Variants in BPNT1 observed in about 807,000 individuals in gnomAD.
BPNT1 encodes 3'(2'), 5'-bisphosphate nucleotidase 1, also known as 3'(2'),5'-bisphosphate nucleotidase 1.
A neutral mutation model predicts 36.9 loss-of-function variants in BPNT1; 28 were observed. That is an observed-to-expected ratio of 0.76 (90% CI 0.56 to 1.04). BPNT1 has a LOEUF of 1.04. Among genes scored for constraint, BPNT1 ranks in the 50% least tolerant of loss-of-function variants. The pLI is 0.00. For missense variants in BPNT1, 313 were observed against 372.9 expected (o/e 0.84, Z 1.32); for synonymous variants, 119 against 130.9 (o/e 0.91, Z 0.62).
intron 4 of BPNT1, among the ~76,000 whole-genome samples, chr1:220,069,887 G>T (rs913590219): frequency 2.0e-5 from 3 of 151,660 alleles, no homozygotes; most frequent in African/African-American, 7.3e-5. Flanking sequence ...AGTGAGCAGA[G>T]ATCGTGCCAT....
intron 4 of BPNT1, among the ~76,000 whole-genome samples, chr1:220,072,363 GAA>G (rs985519845): frequency 7.2e-6 from 1 of 138,588 alleles, no homozygotes; most frequent in Admixed American, 7.3e-5. Flanking sequence ...CTCCGTCTCA[GAA>G]AAAAAAAAAA....
At chr1:220,073,076 T>C (rs1664216106) in intron 3 of BPNT1, 119 bp from the exon 4 acceptor site, 1 of 890,350 alleles carries the variant, frequency 1.1e-6, no homozygotes, top group Admixed American at 2.4e-5. Flanking sequence ...TGGTTTACCA[T>C]TTATATTTAG....
chr1:220,073,298 T>A (rs1216800757), intron 3 of BPNT1, among the ~76,000 whole-genome samples: 1 of 152,086 alleles, frequency 6.6e-6, no homozygotes, highest in Admixed American at 6.6e-5. Context: ...TTTTTTATTT[T>A]TTTTTTTTGA....
chr1:220,077,278 G>A (rs1664636138), intron 2 of BPNT1, among the ~76,000 whole-genome samples: 1 of 151,950 alleles, frequency 6.6e-6, no homozygotes. Flanking sequence ...GAAAATGACA[G>A]ACTATAAAAA....
intron 6 of BPNT1, among the ~76,000 whole-genome samples, chr1:220,066,418 C>T (rs139181572): frequency 3.6e-4 from 55 of 152,026 alleles, no homozygotes; most frequent in African/African-American, 1.2e-3. Context: ...CTAAGAAACA[C>T]GATTCTTAAT....
At position 220,058,056 on chromosome 1, in the gene BPNT1, G is replaced by C. The variant is rs952574333; in HGVS notation, c.*788C>G. ...GCCAGGCGTGGTGGCGGTGCCTGCAGTCCCAGCTACTCGGGAGGCTGAGGC... is the reference window on the plus strand; with the variant it reads ...GCCAGGCGTGGTGGCGGTGCCTGCACTCCCAGCTACTCGGGAGGCTGAGGC... On this transcript the variant is annotated 3_prime_UTR_variant, in exon 9 of 9. Coordinates refer to ENST00000322067, the MANE Select transcript of BPNT1 (RefSeq NM_006085.6). 7.6e-5 allele frequency: 46 copies of C among 604,812 alleles called. No homozygotes were observed. In the African/African-American group the frequency reaches 8.4e-4, roughly 11 times the overall value. 37.5% of individuals were successfully genotyped at this position (604,812 alleles called of 1,614,324 possible).
At chr1:220,073,312 G>A (rs1664244914) in intron 3 of BPNT1, among the ~76,000 whole-genome samples, 1 of 149,726 alleles carries the variant, frequency 6.7e-6, no homozygotes, top group Non-Finnish European at 1.5e-5. Flanking sequence ...TTTTTGAGAC[G>A]GAGTCTTGCT....
chr1:220,063,931 C>G (rs1297740544), intron 6 of BPNT1, among the ~76,000 whole-genome samples: 2 of 152,002 alleles, frequency 1.3e-5, no homozygotes, highest in African/African-American at 4.8e-5. Flanking sequence ...GAAAGTAAAA[C>G]TGATACATAA....
intron 1 of BPNT1, among the ~76,000 whole-genome samples, chr1:220,087,852 ATTATT>A (rs1282127090): frequency 1.3e-5 from 2 of 152,012 alleles, no homozygotes; most frequent in Non-Finnish European, 2.9e-5. Context: ...ATGAGAAATG[ATTATT>A]TTATTTTTAA....
intron 1 of BPNT1, among the ~76,000 whole-genome samples, chr1:220,083,094 G>A (rs896175205): frequency 2.0e-5 from 3 of 151,376 alleles, no homozygotes; most frequent in Non-Finnish European, 2.9e-5. Context: ...AAAATTAGCC[G>A]GGCGTGGTGG....
chr1:220,087,046 CAAA>C (rs1195166426), intron 1 of BPNT1, among the ~76,000 whole-genome samples: 1 of 51,254 alleles, frequency 2.0e-5, no homozygotes. Flanking sequence ...GACTCCGTCT[CAAA>C]AAAAAAAAAA....
At chr1:220,079,379 A>G (rs745916090) in intron 2 of BPNT1, among the ~76,000 whole-genome samples, 1 of 151,976 alleles carries the variant, frequency 6.6e-6, no homozygotes, top group Non-Finnish European at 1.5e-5. Flanking sequence ...CAGCCTCCCA[A>G]GTAGCTGGGA....
intron 7 of BPNT1, among the ~76,000 whole-genome samples, chr1:220,062,303 C>T (rs1479092289): frequency 1.6e-5 from 2 of 125,136 alleles, no homozygotes; most frequent in East Asian, 5.4e-4. Flanking sequence ...CTCCCCCCAC[C>T]CCACAACAGT....
At position 220,058,642 on chromosome 1, in the gene BPNT1, CTGCTT is replaced by C; in HGVS notation, c.*197_*201del. The C allele has an allele frequency of 1.3e-6, 1 of 749,986 alleles. No individual in the cohort carries two copies. Among genetic ancestry groups the C allele is most frequent in the East Asian group, 3.8e-5 (1 of 26,576 alleles). The allele number at this position is 749,986 out of a possible 1,614,324, so 46.5% of individuals were successfully genotyped here. ...TGCCTTCCGGGCTCAAGAGATTCTT[CTGCTT>C]CAGCCTCTCAAGTAGCTGGGATGAC... On this transcript the variant is annotated 3_prime_UTR_variant, in exon 9 of 9. Transcript: ENST00000322067.
At chr1:220,087,388 C>G (rs554088981) in intron 1 of BPNT1, among the ~76,000 whole-genome samples, 13 of 151,980 alleles carry the variant, frequency 8.6e-5, no homozygotes, top group Non-Finnish European at 1.5e-4. Context: ...AACCCTGTCT[C>G]TACTAAAAAT....
chr1:220,076,266 C>G (rs1006891112), intron 2 of BPNT1, among the ~76,000 whole-genome samples: 6 of 152,018 alleles, frequency 3.9e-5, no homozygotes, highest in African/African-American at 1.2e-4. Flanking sequence ...TTTTGGGAGG[C>G]TGAGGTGGGC....
chr1:220,085,024 G>A (rs542762007), intron 1 of BPNT1, among the ~76,000 whole-genome samples: 4 of 149,816 alleles, frequency 2.7e-5, no homozygotes, highest in Admixed American at 2.0e-4. Flanking sequence ...AGCCTTAATC[G>A]TTTTCTTAAC....
In BPNT1 at chr1:220,068,278, G is replaced by A. The variant is rs534508047; in HGVS notation, c.383-885C>T. Among the ~76,000 whole-genome samples, 9 of 151,998 alleles carry A rather than the reference G, an allele frequency of 5.9e-5. No homozygotes were observed. In the South Asian group the frequency reaches 1.7e-3, roughly 28 times the overall value. The stretch of plus-strand genomic sequence containing the variant: ...AGCTCACTGCAACCTCTGTCTTCTG[G>A]ATTCAAGCAATTCTCCTGCCTCAGC... On this transcript the variant is annotated intron_variant, in intron 5 of 8. Transcript: ENST00000322067.
At chr1:220,071,349 TAAA>T (rs1473391472) in intron 4 of BPNT1, among the ~76,000 whole-genome samples, 2 of 152,200 alleles carry the variant, frequency 1.3e-5, no homozygotes, top group Non-Finnish European at 2.9e-5. Flanking sequence ...TATGTTCTTC[TAAA>T]AATATAAGGT....
Sources: allele counts gnomAD v4.1 joint callset (sites outside exome capture counted in the v4.1 genomes callset), GRCh38; gene constraint gnomAD v4.1.1; transcripts MANE v1.5; gene names NCBI Gene and HGNC (gene_info 2026-07-23, HGNC 2026-07-21).